CNTNAP5: variants seen among roughly 807,000 people sequenced by gnomAD.
CNTNAP5 encodes the protein contactin associated protein family member 5.
In CNTNAP5, 72 loss-of-function variants were observed where a neutral mutation model predicts 150.2. That is an observed-to-expected ratio of 0.48 (90% CI 0.40 to 0.58). The LOEUF is 0.58. CNTNAP5 is among the 20% of genes least tolerant of loss of function. The pLI, the probability that CNTNAP5 is intolerant of heterozygous loss-of-function variation, is 0.00. For missense variants in CNTNAP5, 1,636 were observed against 1,626.2 expected (o/e 1.01, Z -0.10); for synonymous variants, 672 against 619.8 (o/e 1.08, Z -1.25).
chr2:124,100,378 T>G (rs2104695657), intron 1 of CNTNAP5, among the ~76,000 whole-genome samples: 1 of 152,226 alleles, frequency 6.6e-6, no homozygotes, highest in South Asian at 2.1e-4. Flanking sequence ...ATATACAAAC[T>G]ATATCACAAA....
chr2:124,187,830 A>G (rs1183041333), intron 1 of CNTNAP5, among the ~76,000 whole-genome samples: 1 of 152,196 alleles, frequency 6.6e-6, no homozygotes, highest in South Asian at 2.1e-4. Flanking sequence ...CCAGGGGATA[A>G]GATTTCATTT....
chr2:124,406,768 C>T (rs1355201274), intron 3 of CNTNAP5, among the ~76,000 whole-genome samples: 20 of 152,172 alleles, frequency 1.3e-4, no homozygotes, highest in Admixed American at 1.3e-3. Context: ...TATAGTCACT[C>T]TACTGTGCTA....
intron 1 of CNTNAP5, among the ~76,000 whole-genome samples, chr2:124,040,929 C>A (rs1391279064): frequency 1.3e-5 from 2 of 152,062 alleles, no homozygotes; most frequent in African/African-American, 4.8e-5. Flanking sequence ...CTTTTCTATA[C>A]AAATATTCAT....
chr2:124,637,105 T>C lies in CNTNAP5; in HGVS notation c.1877-10653T>C, dbSNP rs535875881. 9.8e-5 allele frequency among the ~76,000 whole-genome samples: 15 copies of C among 152,296 alleles called. No homozygotes were observed. The South Asian group carries it at 2.7e-3, about 27-fold the overall frequency. ...CATTAATTAAATTAATTATCCAATA[T>C]ATAGTCCATGCACCAAGAATCCAAA... On this transcript the variant is annotated intron_variant, in intron 12 of 23. Coordinates refer to ENST00000682447, the MANE Select transcript of CNTNAP5 (RefSeq NM_001367498.1).
At chr2:124,074,242 G>A (rs1385701749) in intron 1 of CNTNAP5, among the ~76,000 whole-genome samples, 1 of 152,050 alleles carries the variant, frequency 6.6e-6, no homozygotes, top group Non-Finnish European at 1.5e-5. Flanking sequence ...GGTACAAAAA[G>A]TAGTTGGAAA....
At position 124,452,043 on chromosome 2, in the gene CNTNAP5, C is replaced by T. The variant is rs574046402; in HGVS notation, c.918+5106C>T. ...TGAACCCATTGAGAAGTCTCCTGGC[C>T]GGCACTCAAGGAAGGGCATGAATCC... is the stretch of plus-strand genomic sequence containing the variant. On this transcript the variant is annotated intron_variant, in intron 6 of 23. Transcript: ENST00000682447. Among the ~76,000 whole-genome samples, 33 of 152,084 alleles carry T rather than the reference C, an allele frequency of 2.2e-4. 1 individual carries two copies. Among genetic ancestry groups the T allele is most frequent in the South Asian group, 1.5e-3 (7 of 4,808 alleles).
At position 124,363,375 on chromosome 2, in the gene CNTNAP5, C is replaced by T. The variant is rs114597823; in HGVS notation, c.382-54068C>T. On this transcript the variant is annotated intron_variant, in intron 3 of 23. Transcript: ENST00000682447. ...ACTCCCCTCCTGAACTCTACACCTG[C>T]AGACCAGCCCTCCTTCTTAACATCT... 2.2e-3 allele frequency among the ~76,000 whole-genome samples: 330 copies of T among 152,290 alleles called. 1 individual carries two copies. Among genetic ancestry groups the T allele is most frequent in the African/African-American group, 7.7e-3 (319 of 41,558 alleles).
At chr2:124,363,279 G>T (rs1382560353) in intron 3 of CNTNAP5, among the ~76,000 whole-genome samples, 2 of 151,346 alleles carry the variant, frequency 1.3e-5, no homozygotes, top group Non-Finnish European at 2.9e-5. Flanking sequence ...AAATTTGTTT[G>T]TAGGACCAGA....
intron 8 of CNTNAP5, among the ~76,000 whole-genome samples, chr2:124,522,619 C>G (rs955029529): frequency 6.6e-6 from 1 of 152,214 alleles, no homozygotes; most frequent in African/African-American, 2.4e-5. Context: ...GGCCCATGCC[C>G]AGAGATGCTG....
At chr2:124,071,163 A>G (rs1472692501) in intron 1 of CNTNAP5, among the ~76,000 whole-genome samples, 2 of 151,976 alleles carry the variant, frequency 1.3e-5, no homozygotes, top group Admixed American at 6.6e-5. Flanking sequence ...AATACACAGC[A>G]TATCAAAACC....
intron 13 of CNTNAP5, among the ~76,000 whole-genome samples, chr2:124,713,338 T>TCTTTCTTG (rs70999210): frequency 8.2e-6 from 1 of 122,104 alleles, no homozygotes; most frequent in African/African-American, 3.3e-5. Context: ...TTTCTTTCTT[T>TCTTTCTTG]CTTTCTTTCT....
In CNTNAP5 at chr2:124,242,212, G is replaced by C; in HGVS notation, c.200G>C (p.Trp67Ser). Residue 67 changes from tryptophan to serine, a missense_variant, in exon 3 of 24, where the codon TGG becomes TCG. Trp to Ser is a radical substitution (Grantham distance 177, BLOSUM62 -3). Coordinates refer to ENST00000682447, the MANE Select transcript of CNTNAP5 (RefSeq NM_001367498.1). ...GATCCTGTTCCAGGAACTGGCGGTT[G>C]GTCCCCAGCAGATTCCAATGCTCAA... The part of the protein sequence containing the change: ...QLNWRVGTGG[W>S]SPADSNAQQW... The C allele has an allele frequency of 6.3e-7, 1 of 1,589,150 alleles. No homozygotes were observed. The highest frequency in any genetic ancestry group is 8.6e-7 in the Non-Finnish European group (1 of 1,166,656).
At chr2:124,070,162 C>G (rs941426194) in intron 1 of CNTNAP5, among the ~76,000 whole-genome samples, 1 of 151,660 alleles carries the variant, frequency 6.6e-6, no homozygotes, top group African/African-American at 2.4e-5. Context: ...TCATGATAAT[C>G]TTAAATCAAA....
At chr2:124,311,073 A>G (rs113958931) in intron 3 of CNTNAP5, among the ~76,000 whole-genome samples, 8 of 152,188 alleles carry the variant, frequency 5.3e-5, no homozygotes, top group African/African-American at 1.7e-4. Flanking sequence ...CTGCAAGACA[A>G]CTTCAAGTCT....
intron 19 of CNTNAP5, among the ~76,000 whole-genome samples, chr2:124,808,978 C>A (rs1464476315): frequency 6.8e-6 from 1 of 147,520 alleles, no homozygotes; most frequent in Admixed American, 6.8e-5. Context: ...TATGGTAAGA[C>A]TTTTTTTTTT....
chr2:124,586,587 T>C (rs1696542300), intron 11 of CNTNAP5, among the ~76,000 whole-genome samples: 1 of 152,198 alleles, frequency 6.6e-6, no homozygotes, highest in African/African-American at 2.4e-5. Context: ...CTCTTTACCT[T>C]TTTAGCTTAG....
intron 3 of CNTNAP5, among the ~76,000 whole-genome samples, chr2:124,374,530 T>C (rs1690600382): frequency 6.6e-6 from 1 of 152,116 alleles, no homozygotes; most frequent in South Asian, 2.1e-4. Context: ...CTGAAAATAG[T>C]TCAAACTAAT....
intron 12 of CNTNAP5, among the ~76,000 whole-genome samples, chr2:124,641,041 G>T (rs1678081261): frequency 6.7e-6 from 1 of 148,638 alleles, no homozygotes; most frequent in Admixed American, 6.9e-5. Flanking sequence ...CAAGAGAATT[G>T]CTTGAACCCG....
chr2:124,434,424 G>A lies in CNTNAP5; in HGVS notation c.530-60G>A. 3 of 1,241,992 alleles carry A rather than the reference G, an allele frequency of 2.4e-6. 1 individual carries two copies. Among genetic ancestry groups the A allele is most frequent in the South Asian group, 2.4e-5 (2 of 82,738 alleles). The allele number at this position is 1,241,992 out of a possible 1,614,324, so 76.9% of individuals were successfully genotyped here. On this transcript the variant is annotated intron_variant, in intron 4 of 23. Coordinates refer to ENST00000682447, the MANE Select transcript of CNTNAP5 (RefSeq NM_001367498.1). ...TGGACATGAAATAAGATGGGAAACA[G>A]TAACAGCAGTCATGAGAATATGCAC...
Sources: gnomAD v4.1 joint callset for allele counts (sites outside exome capture counted in the v4.1 genomes callset) on GRCh38, gnomAD v4.1.1 for gene constraint, MANE v1.5 for transcripts, NCBI Gene and HGNC (gene_info 2026-07-23, HGNC 2026-07-21) for gene names.